PRKG2: variants seen among roughly 807,000 people sequenced by gnomAD.
PRKG2 encodes protein kinase cGMP-dependent 2, also known as cGMP-dependent protein kinase 2.
Under a neutral mutation model 97.2 loss-of-function variants are expected in PRKG2, and 33 were observed. The observed-to-expected ratio is 0.34, with a 90% CI of 0.26 to 0.45. The LOEUF is 0.45. PRKG2 is among the 20% of genes least tolerant of loss of function. The pLI is 1.00. For synonymous variants in PRKG2, 330 were observed against 321.8 expected (o/e 1.03, Z -0.27); for missense variants, 638 against 900.0 (o/e 0.71, Z 3.73).
At chr4:81,200,353 G>A (rs1051603401) in intron 2 of PRKG2, among the ~76,000 whole-genome samples, 39 of 152,182 alleles carry the variant, frequency 2.6e-4, no homozygotes, top group African/African-American at 9.2e-4. Flanking sequence ...AAACCCATTC[G>A]CAATGTCCTT....
intron 6 of PRKG2, chr4:81,154,314 G>T (rs907131063): frequency 6.5e-6 from 1 of 152,784 alleles, no homozygotes; most frequent in Non-Finnish European, 1.5e-5. Context: ...ACCTCTGGGG[G>T]CAGGGCACAG....
At chr4:81,189,998 C>T (rs1277922899) in intron 2 of PRKG2, among the ~76,000 whole-genome samples, 3 of 152,196 alleles carry the variant, frequency 2.0e-5, no homozygotes, top group Non-Finnish European at 2.9e-5. Context: ...AATGGCCATA[C>T]TGCCCAAAGT....
At chr4:81,184,560 T>C (rs1751709375) in intron 2 of PRKG2, among the ~76,000 whole-genome samples, 1 of 151,860 alleles carries the variant, frequency 6.6e-6, no homozygotes, top group Admixed American at 6.6e-5. Flanking sequence ...AGGCTGAAAA[T>C]TCCAAAAACC....
rs544875659 is a variant in PRKG2 at position 81,098,461 on chromosome 4, TG to T, written c.2126+5908del. On this transcript the variant is annotated intron_variant, in intron 17 of 18. Transcript: ENST00000264399. ...CCTTTGGATTCAAAACTTGACTAAT[TG>T]GCACAGGAGGCCTAGCTTTCAGTCT... Among the ~76,000 whole-genome samples, 56 of 152,328 alleles carry T rather than the reference TG, an allele frequency of 3.7e-4. No homozygotes were observed. The East Asian group carries it at 8.1e-3, about 22-fold the overall frequency.
intron 3 of PRKG2, among the ~76,000 whole-genome samples, chr4:81,172,414 A>G (rs190275947): frequency 2.0e-5 from 3 of 152,186 alleles, no homozygotes; most frequent in Admixed American, 6.6e-5. Context: ...ATTTTTGCCT[A>G]TGTGACCTTG....
intron 13 of PRKG2, among the ~76,000 whole-genome samples, chr4:81,137,008 G>T (rs1326705049): frequency 4.6e-5 from 7 of 151,938 alleles, no homozygotes; most frequent in African/African-American, 1.7e-4. Flanking sequence ...AATCTTCGCA[G>T]GCATCTTGCT....
intron 14 of PRKG2, among the ~76,000 whole-genome samples, chr4:81,132,526 C>T (rs1042532664): frequency 1.2e-4 from 18 of 152,130 alleles, no homozygotes; most frequent in Admixed American, 3.3e-4. Flanking sequence ...GTTTATTCCC[C>T]ATTCCTTATA....
At chr4:81,100,839 G>A (rs1279624767) in intron 17 of PRKG2, among the ~76,000 whole-genome samples, 1 of 152,054 alleles carries the variant, frequency 6.6e-6, no homozygotes, top group Non-Finnish European at 1.5e-5. Flanking sequence ...CTAATATCCA[G>A]AATCTACAAT....
intron 6 of PRKG2, among the ~76,000 whole-genome samples, chr4:81,158,617 C>CA (rs1193528490): frequency 6.6e-6 from 1 of 151,898 alleles, no homozygotes; most frequent in East Asian, 1.9e-4. Flanking sequence ...CATATGGAAC[C>CA]AAAAAAGAGC....
chr4:81,098,559 G>A (rs1742363921), intron 17 of PRKG2, among the ~76,000 whole-genome samples: 2 of 152,100 alleles, frequency 1.3e-5, no homozygotes, highest in African/African-American at 4.8e-5. Flanking sequence ...TGAGAGACTT[G>A]AGACTGTTTC....
chr4:81,117,511 T>A (rs1192991763), intron 14 of PRKG2, among the ~76,000 whole-genome samples: 1 of 152,190 alleles, frequency 6.6e-6, no homozygotes, highest in Non-Finnish European at 1.5e-5. Flanking sequence ...TAAGGTATCA[T>A]TCATTAGGTT....
intron 17 of PRKG2, among the ~76,000 whole-genome samples, chr4:81,102,066 T>G (rs1742860799): frequency 6.6e-6 from 1 of 152,186 alleles, no homozygotes; most frequent in Non-Finnish European, 1.5e-5. Context: ...CACCGTAAAT[T>G]TGGTATATCT....
rs1417548581 is a variant in PRKG2, at chr4:81,088,337, A to T, written c.*1371T>A. ...GTTCCTTTTGACATAGAACATTAACATATGAAAATATAACCAGAAGCTTGA... is the reference window on the plus strand; with the variant it reads ...GTTCCTTTTGACATAGAACATTAACTTATGAAAATATAACCAGAAGCTTGA... On this transcript the variant is annotated 3_prime_UTR_variant, in exon 19 of 19. Transcript: ENST00000264399. The T allele has an allele frequency of 6.6e-6, 1 of 152,164 alleles. No individual in the cohort carries two copies. The highest frequency in any genetic ancestry group is 2.4e-5 in the African/African-American group (1 of 41,448). 9.4% of individuals were successfully genotyped at this position (152,164 alleles called of 1,614,324 possible). A position where few individuals can be genotyped will look rare whatever the true frequency, so the allele number is the denominator to read the frequency against.
At chr4:81,115,373 T>A (rs1744415441) in intron 14 of PRKG2, among the ~76,000 whole-genome samples, 1 of 152,194 alleles carries the variant, frequency 6.6e-6, no homozygotes, top group Non-Finnish European at 1.5e-5. Context: ...TATAATTAGT[T>A]CTCATATCTG....
chr4:81,103,809 G>C (rs1025887991), intron 17 of PRKG2, among the ~76,000 whole-genome samples: 1 of 151,972 alleles, frequency 6.6e-6, no homozygotes, highest in Non-Finnish European at 1.5e-5. Flanking sequence ...GAGGCAGGTG[G>C]ATCATGAGGT....
chr4:81,194,808 C>G (rs1752846058), intron 2 of PRKG2, among the ~76,000 whole-genome samples: 1 of 152,150 alleles, frequency 6.6e-6, no homozygotes, highest in African/African-American at 2.4e-5. Context: ...TAGTACTGCT[C>G]TTAAATCTTC....
rs1246355739 is a variant in PRKG2, at chr4:81,088,697, C to CAGTG, written c.*1007_*1010dup. 6.6e-6 allele frequency: 1 copy of CAGTG among 152,164 alleles called. No individual in the cohort carries two copies. Among genetic ancestry groups the CAGTG allele is most frequent in the Non-Finnish European group, 1.5e-5 (1 of 68,022 alleles). The allele number at this position is 152,164 out of a possible 1,614,324, so 9.4% of individuals were successfully genotyped here. ...TCTTTAAAAAGCGCTATTAACTCAGCAGTGACTACAGTGCATCAACATTTG... is the reference window on the plus strand; with the variant it reads ...TCTTTAAAAAGCGCTATTAACTCAGCAGTGAGTGACTACAGTGCATCAACATTTG... On this transcript the variant is annotated 3_prime_UTR_variant, in exon 19 of 19. Transcript: ENST00000264399.
intron 8 of PRKG2, among the ~76,000 whole-genome samples, chr4:81,150,863 A>C (rs143786793): frequency 6.6e-6 from 1 of 152,296 alleles, no homozygotes; most frequent in African/African-American, 2.4e-5. Context: ...ATAAACACAA[A>C]GAATATTAAT....
chr4:81,158,778 C>G (rs1186658785), intron 6 of PRKG2, among the ~76,000 whole-genome samples: 1 of 152,046 alleles, frequency 6.6e-6, no homozygotes, highest in East Asian at 1.9e-4. Flanking sequence ...GAATAGAGCC[C>G]TCAGAAATAA....
Sources: allele counts gnomAD v4.1 joint callset (sites outside exome capture counted in the v4.1 genomes callset), GRCh38; gene constraint gnomAD v4.1.1; transcripts MANE v1.5; gene names NCBI Gene and HGNC (gene_info 2026-07-23, HGNC 2026-07-21).